The following WDR72 variants were observed in gnomAD, a reference collection of about 807,000 sequenced individuals.
WDR72 encodes the protein WD repeat domain 72.
Under a neutral mutation model 124.2 loss-of-function variants are expected in WDR72, and 120 were observed. The ratio of observed to expected loss-of-function variants is 0.97; its 90% CI spans 0.83 to 1.12. WDR72 has a LOEUF of 1.12. Ranked by LOEUF, WDR72 falls within the 50% of genes most tolerant of loss-of-function variation. The probability of loss-of-function intolerance (pLI) is 0.00; values close to 1 mark genes in which losing one functional copy is unlikely to be tolerated. For missense variants in WDR72, 1,387 were observed against 1,278.8 expected (o/e 1.08, Z -1.29); for synonymous variants, 452 against 441.7 (o/e 1.02, Z -0.29).
chr15:53,699,656 G>A (rs866114589), intron 13 of WDR72, 94 bp downstream of exon 13: 3 of 1,350,488 alleles, frequency 2.2e-6, no homozygotes, highest in African/African-American at 1.4e-5. Context: ...AGCAAGTGAG[G>A]TCATCACCGT....
chr15:53,703,020 C>G (rs1768920064), intron 11 of WDR72, among the ~76,000 whole-genome samples: 2 of 151,570 alleles, frequency 1.3e-5, no homozygotes, highest in South Asian at 4.2e-4. Context: ...CTCGGATGAT[C>G]CTTCCACCTC....
chr15:53,690,530 A>T (rs917294382), intron 13 of WDR72, among the ~76,000 whole-genome samples: 2 of 152,214 alleles, frequency 1.3e-5, no homozygotes, highest in African/African-American at 4.8e-5. Context: ...AAAAAGAATC[A>T]TACAATATGT....
At chr15:53,625,198 C>T (rs963561175) in intron 14 of WDR72, among the ~76,000 whole-genome samples, 1 of 152,066 alleles carries the variant, frequency 6.6e-6, no homozygotes, top group Non-Finnish European at 1.5e-5. Flanking sequence ...TAATTAAAAG[C>T]AAGAAGTATT....
chr15:53,731,460 T>C (rs767858348), intron 2 of WDR72, among the ~76,000 whole-genome samples: 1 of 152,120 alleles, frequency 6.6e-6, no homozygotes, highest in Non-Finnish European at 1.5e-5. Context: ...GGAGCTGTCA[T>C]GTGCACTATA....
intron 2 of WDR72, among the ~76,000 whole-genome samples, chr15:53,729,960 AT>A (rs2018153647): frequency 6.6e-6 from 1 of 152,216 alleles, no homozygotes; most frequent in African/African-American, 2.4e-5. Flanking sequence ...TTATGTGTCA[AT>A]TAAAAATAAT....
chr15:53,719,219 G>A (rs1042558307), intron 3 of WDR72, among the ~76,000 whole-genome samples: 2 of 152,140 alleles, frequency 1.3e-5, no homozygotes, highest in African/African-American at 4.8e-5. Flanking sequence ...TCTTGCATTG[G>A]AAGTCTATTA....
intron 18 of WDR72, among the ~76,000 whole-genome samples, chr15:53,536,016 A>G (rs1892741669): frequency 6.6e-6 from 1 of 152,210 alleles, no homozygotes; most frequent in Admixed American, 6.5e-5. Context: ...ACAGCGCTTG[A>G]TGAATCTGAG....
intron 12 of WDR72, among the ~76,000 whole-genome samples, chr15:53,700,320 G>A (rs74018738): frequency 0.028 from 4,219 of 152,280 alleles, 103 homozygotes; most frequent in East Asian, 0.069. Flanking sequence ...GTAGACACAA[G>A]CTTAGGCCCA....
At chr15:53,711,565 A>G (rs149917286) in intron 7 of WDR72, 84 bp from the exon 8 acceptor site, 3 of 1,402,786 alleles carry the variant, frequency 2.1e-6, no homozygotes, top group Non-Finnish European at 3.0e-6. Context: ...TAGTAATAAT[A>G]TAACAACATA....
At chr15:53,574,084 T>C (rs2140309443) in intron 18 of WDR72, among the ~76,000 whole-genome samples, 1 of 152,308 alleles carries the variant, frequency 6.6e-6, no homozygotes, top group Middle Eastern at 3.4e-3. Flanking sequence ...CTGTATCTCT[T>C]GATGTATGAC....
At chr15:53,603,272 C>A (rs181823014) in intron 17 of WDR72, among the ~76,000 whole-genome samples, 1 of 151,856 alleles carries the variant, frequency 6.6e-6, no homozygotes, top group African/African-American at 2.4e-5. Flanking sequence ...AAAAGGCTCT[C>A]AATAAAATTC....
chr15:53,667,947 C>CAT (rs1354103484), intron 13 of WDR72, among the ~76,000 whole-genome samples: 1 of 152,160 alleles, frequency 6.6e-6, no homozygotes, highest in Non-Finnish European at 1.5e-5. Context: ...CATTCATACA[C>CAT]AGATAATTAA....
intron 1 of WDR72, among the ~76,000 whole-genome samples, chr15:53,734,380 A>C (rs1488996892): frequency 6.6e-6 from 1 of 152,202 alleles, no homozygotes; most frequent in Non-Finnish European, 1.5e-5. Context: ...TGAGCATTGC[A>C]ATTCTGAATA....
chr15:53,652,883 C>T (rs1264404930), intron 14 of WDR72, among the ~76,000 whole-genome samples: 1 of 152,144 alleles, frequency 6.6e-6, no homozygotes, highest in Non-Finnish European at 1.5e-5. Context: ...ATATGCTGGG[C>T]ATACTAAGTT....
chr15:53,716,922 GC>G (rs1052409007), intron 3 of WDR72, among the ~76,000 whole-genome samples: 17 of 152,070 alleles, frequency 1.1e-4, no homozygotes, highest in African/African-American at 4.1e-4. Context: ...AGACAACCTG[GC>G]CTACAACAAA....
At chr15:53,529,164 A>ATATATATATATATATATATTTTTTT (rs59003623) in intron 18 of WDR72, among the ~76,000 whole-genome samples, 1 of 78,168 alleles carries the variant, frequency 1.3e-5, no homozygotes, top group African/African-American at 5.0e-5. Context: ...ATATATATAT[A>ATATATATATATATATATATTTTTTT]TTTTTTTTTT....
chr15:53,519,411 G>T (rs1477405906), intron 19 of WDR72, among the ~76,000 whole-genome samples: 1 of 152,092 alleles, frequency 6.6e-6, no homozygotes, highest in Non-Finnish European at 1.5e-5. Context: ...GGAGCTGAAA[G>T]TTCATGATAC....
At chr15:53,708,138 T>G (rs1230533562) in intron 9 of WDR72, among the ~76,000 whole-genome samples, 1 of 152,176 alleles carries the variant, frequency 6.6e-6, no homozygotes, top group Non-Finnish European at 1.5e-5. Context: ...GAAAACTTCT[T>G]CATAGTCCCT....
At chr15:53,720,298 G>A (rs1462405105) in intron 3 of WDR72, among the ~76,000 whole-genome samples, 1 of 152,104 alleles carries the variant, frequency 6.6e-6, no homozygotes, top group Non-Finnish European at 1.5e-5. Flanking sequence ...CAGAATGTGT[G>A]GGATCTTATT....
Sources: gnomAD v4.1 joint callset for allele counts (sites outside exome capture counted in the v4.1 genomes callset) on GRCh38, gnomAD v4.1.1 for gene constraint, MANE v1.5 for transcripts, NCBI Gene and HGNC (gene_info 2026-07-23, HGNC 2026-07-21) for gene names.